The following RBFOX1 variants were observed in gnomAD, a reference collection of about 807,000 sequenced individuals.
RBFOX1 encodes the protein RNA binding fox-1 homolog 1.
In RBFOX1, 8 loss-of-function variants were observed where a neutral mutation model predicts 57.7. That is an observed-to-expected ratio of 0.14 (90% CI 0.08 to 0.25). RBFOX1 has a LOEUF of 0.25. Ranked by LOEUF, RBFOX1 falls within the 10% of genes least tolerant of loss-of-function variation. RBFOX1 has a pLI of 1.00. For synonymous variants in RBFOX1, 326 were observed against 222.4 expected (o/e 1.47, Z -4.15); for missense variants, 611 against 548.5 (o/e 1.11, Z -1.14).
At chr16:7,670,784 A>T (rs572209174) in intron 13 of RBFOX1, among the ~76,000 whole-genome samples, 5 of 152,282 alleles carry the variant, frequency 3.3e-5, no homozygotes, top group African/African-American at 7.2e-5. Context: ...TGTCTGCCCT[A>T]GAATTGGAGA....
chr16:7,211,161 G>A (rs1442467208), intron 4 of RBFOX1, among the ~76,000 whole-genome samples: 3 of 151,704 alleles, frequency 2.0e-5, no homozygotes, highest in Non-Finnish European at 2.9e-5. Context: ...GGAGGCCGAG[G>A]TGGGGGGATC....
chr16:7,001,893 T>C (rs1041150429), intron 3 of RBFOX1, among the ~76,000 whole-genome samples: 9 of 152,196 alleles, frequency 5.9e-5, no homozygotes, highest in Admixed American at 5.9e-4. Context: ...GGAGTCCCCA[T>C]AGTAAGCGGG....
chr16:7,130,504 AAC>A (rs1381860196), intron 4 of RBFOX1, among the ~76,000 whole-genome samples: 1 of 152,150 alleles, frequency 6.6e-6, no homozygotes. Flanking sequence ...TCTAATGCCT[AAC>A]ACAGAGCCTG....
In RBFOX1 at chr16:6,474,311, C is replaced by A. The variant is rs1332589566; in HGVS notation, c.-64+157254C>A. Among the ~76,000 whole-genome samples, 4 of 152,034 alleles carry A rather than the reference C, an allele frequency of 2.6e-5. No individual in the cohort carries two copies. The South Asian group carries it at 8.3e-4, about 32-fold the overall frequency. Reference sequence around the variant, plus strand: ...CGGACGTGACATCTGTTTTCAGGACCCTTTAATCATATCCCGTGGTCCAAA... The same window carrying A: ...CGGACGTGACATCTGTTTTCAGGACACTTTAATCATATCCCGTGGTCCAAA... On this transcript the variant is annotated intron_variant, in intron 2 of 15. Coordinates refer to ENST00000550418, the MANE Select transcript of RBFOX1 (RefSeq NM_018723.4).
intron 1 of RBFOX1, among the ~76,000 whole-genome samples, chr16:6,173,537 G>A (rs542029631): frequency 6.0e-5 from 9 of 149,778 alleles, no homozygotes; most frequent in African/African-American, 2.2e-4. Flanking sequence ...TACCCAAATC[G>A]ATTGTTCCTG....
intron 2 of RBFOX1, among the ~76,000 whole-genome samples, chr16:5,539,933 G>A (rs1045995432): frequency 6.6e-6 from 1 of 152,138 alleles, no homozygotes; most frequent in African/African-American, 2.4e-5. Context: ...GTTTCAAGGA[G>A]GGTTTTGGCT....
At chr16:7,263,389 A>G (rs1052407594) in intron 4 of RBFOX1, among the ~76,000 whole-genome samples, 9 of 152,170 alleles carry the variant, frequency 5.9e-5, no homozygotes, top group Admixed American at 3.3e-4. Flanking sequence ...ACTAGAAGAC[A>G]TTGATTCTCA....
chr16:7,453,291 G>A (rs2057764261), intron 4 of RBFOX1, among the ~76,000 whole-genome samples: 1 of 152,122 alleles, frequency 6.6e-6, no homozygotes, highest in Non-Finnish European at 1.5e-5. Context: ...TGGCATGTAT[G>A]AAGATCCTGT....
chr16:6,801,825 A>T (rs2085535709), intron 3 of RBFOX1, among the ~76,000 whole-genome samples: 1 of 152,118 alleles, frequency 6.6e-6, no homozygotes. Context: ...TATACCTTCT[A>T]AGTTGTATGT....
intron 4 of RBFOX1, among the ~76,000 whole-genome samples, chr16:7,359,576 C>T (rs956066750): frequency 2.0e-5 from 3 of 152,116 alleles, no homozygotes; most frequent in South Asian, 2.1e-4. Context: ...TCCTTGTGTC[C>T]GGATTTGGGG....
intron 1 of RBFOX1, among the ~76,000 whole-genome samples, chr16:6,128,059 T>G (rs2096602960): frequency 6.6e-6 from 1 of 152,184 alleles, no homozygotes; most frequent in African/African-American, 2.4e-5. Flanking sequence ...GACTTCTCAG[T>G]ACTTCTGAAT....
Position 6,874,509 on chromosome 16 carries a change from TAAAAAAAAAAAAAAA to T in RBFOX1, c.-15-177533_-15-177519del, listed in dbSNP as rs57494867. Among the ~76,000 whole-genome samples the T allele has an allele frequency of 2.3e-3, 167 of 71,110 alleles. 1 individual carries two copies. The highest frequency in any genetic ancestry group is 4.4e-3 in the Admixed American group (22 of 4,996). 46.7% of individuals were successfully genotyped at this position (71,110 alleles called of 152,430 possible). A position where few individuals can be genotyped will look rare whatever the true frequency, so the allele number is the denominator to read the frequency against. ...CTGGGCGACAGAGCAAGACTCCATC[TAAAAAAAAAAAAAAA>T]AAAAAAAAAAAAAATGAAATAATGG... On this transcript the variant is annotated intron_variant, in intron 3 of 15. Transcript: ENST00000550418.
rs142561276 is a variant in RBFOX1 at position 7,427,015 on chromosome 16, C to T, written c.28-91132C>T. 2.4e-3 allele frequency among the ~76,000 whole-genome samples: 368 copies of T among 152,270 alleles called. 1 individual carries two copies. Among genetic ancestry groups the T allele is most frequent in the African/African-American group, 7.6e-3 (317 of 41,558 alleles). On this transcript the variant is annotated intron_variant, in intron 4 of 15. Coordinates refer to ENST00000550418, the MANE Select transcript of RBFOX1 (RefSeq NM_018723.4). ...CATTCTCAGCAAACTATTGAAAGGA[C>T]AGAAAACCAAACACTGCGTGTTCTC...
chr16:7,407,425 G>A (rs973346228), intron 4 of RBFOX1, among the ~76,000 whole-genome samples: 6 of 151,700 alleles, frequency 4.0e-5, no homozygotes, highest in Non-Finnish European at 7.4e-5. Context: ...GTGCAGAGAA[G>A]AATGGCACAC....
chr16:6,764,187 C>T (rs2077011473), intron 3 of RBFOX1, among the ~76,000 whole-genome samples: 1 of 152,168 alleles, frequency 6.6e-6, no homozygotes, highest in African/African-American at 2.4e-5. Flanking sequence ...CTCAATATCT[C>T]CCACTTGAGC....
rs201372502 is a variant in RBFOX1, at chr16:7,265,958, G to GTTT, written c.27+213863_27+213865dup. 7.3e-4 allele frequency among the ~76,000 whole-genome samples: 79 copies of GTTT among 107,582 alleles called. 12 individuals are homozygous for GTTT. The highest frequency in any genetic ancestry group is 2.7e-3 in the African/African-American group (59 of 21,760). The allele number at this position is 107,582 out of a possible 152,430, so 70.6% of individuals were successfully genotyped here. On this transcript the variant is annotated intron_variant, in intron 4 of 15. Coordinates refer to ENST00000550418, the MANE Select transcript of RBFOX1 (RefSeq NM_018723.4). ...GTGAGTGAGTTATGAGATCTGGTGG[G>GTTT]TTTTTGTTTTTTTTTTTTTTTTTTT...
intron 4 of RBFOX1, among the ~76,000 whole-genome samples, chr16:7,433,738 C>G (rs117369016): frequency 7.2e-5 from 11 of 152,322 alleles, no homozygotes; most frequent in Non-Finnish European, 1.5e-4. Flanking sequence ...ATCCACCCAA[C>G]CACCCATCCA....
chr16:6,621,705 G>C (rs752338091), intron 2 of RBFOX1, among the ~76,000 whole-genome samples: 2 of 152,092 alleles, frequency 1.3e-5, no homozygotes, highest in African/African-American at 2.4e-5. Flanking sequence ...GAAATACTGG[G>C]CTAATGCTCG....
chr16:6,625,632 A>G (rs865871716), intron 2 of RBFOX1, among the ~76,000 whole-genome samples: 8 of 152,146 alleles, frequency 5.3e-5, no homozygotes, highest in African/African-American at 1.7e-4. Flanking sequence ...TTTCAGAACT[A>G]TGTAGTTCCC....
Sources: allele counts gnomAD v4.1 joint callset (sites outside exome capture counted in the v4.1 genomes callset), GRCh38; gene constraint gnomAD v4.1.1; transcripts MANE v1.5; gene names NCBI Gene and HGNC (gene_info 2026-07-23, HGNC 2026-07-21).